Variants in MAGI2 observed in about 807,000 individuals in gnomAD.
The protein encoded by MAGI2 is membrane associated guanylate kinase, WW and PDZ domain containing 2.
A neutral mutation model predicts 133.3 loss-of-function variants in MAGI2; 35 were observed. That is an observed-to-expected ratio of 0.26 (90% CI 0.20 to 0.35). The LOEUF (loss-of-function observed/expected upper bound fraction) is 0.35. Among genes scored for constraint, MAGI2 ranks in the 10% least tolerant of loss-of-function variants. The pLI is 1.00. For missense variants in MAGI2, 1,636 were observed against 1,863.4 expected, an observed-to-expected ratio of 0.88 and a Z score of 2.25; for synonymous variants, 729 against 710.6, an observed-to-expected ratio of 1.03 and a Z score of -0.41.
At chr7:79,230,297 G>T (rs1210822859) in intron 1 of MAGI2, among the ~76,000 whole-genome samples, 1 of 151,818 alleles carries the variant, frequency 6.6e-6, no homozygotes. Flanking sequence ...AGTCCTTTGG[G>T]TATATACCCA....
intron 1 of MAGI2, among the ~76,000 whole-genome samples, chr7:79,163,729 G>A (rs578042839): frequency 3.9e-5 from 6 of 151,958 alleles, no homozygotes; most frequent in Non-Finnish European, 8.8e-5. Flanking sequence ...TTGGCTGCTT[G>A]GGTTGTTTAC....
At chr7:78,211,922 G>T (rs577476205) in intron 10 of MAGI2, among the ~76,000 whole-genome samples, 5 of 152,132 alleles carry the variant, frequency 3.3e-5, no homozygotes, top group African/African-American at 1.2e-4. Flanking sequence ...GAGTTTTCCA[G>T]TTCCTCCTGA....
chr7:78,684,201 A>G (rs778738931), intron 2 of MAGI2, among the ~76,000 whole-genome samples: 5 of 152,156 alleles, frequency 3.3e-5, no homozygotes, highest in Non-Finnish European at 7.3e-5. Context: ...TTATCAATAG[A>G]TTCTCCAAAC....
intron 1 of MAGI2, among the ~76,000 whole-genome samples, chr7:79,047,261 A>C (rs1161777699): frequency 6.6e-6 from 1 of 152,174 alleles, no homozygotes; most frequent in Non-Finnish European, 1.5e-5. Flanking sequence ...AAAGATGTGC[A>C]CTCATTTTAC....
intron 1 of MAGI2, among the ~76,000 whole-genome samples, chr7:79,342,100 T>C (rs7800314): frequency 0.87 from 131,802 of 152,204 alleles, 57,212 homozygotes; most frequent in East Asian, 0.96. Flanking sequence ...GCATACCTAC[T>C]TACCAGGTTC....
intron 2 of MAGI2, among the ~76,000 whole-genome samples, chr7:78,703,926 GTTAGA>G (rs1322843242): frequency 6.9e-5 from 1 of 14,564 alleles, no homozygotes; most frequent in African/African-American, 4.7e-4. Context: ...AAATCAACTC[GTTAGA>G]TTAAAGGCTT....
intron 4 of MAGI2, among the ~76,000 whole-genome samples, chr7:78,509,568 C>T (rs1338766671): frequency 6.6e-6 from 1 of 152,154 alleles, no homozygotes; most frequent in Non-Finnish European, 1.5e-5. Flanking sequence ...TTCTATGGTT[C>T]TGGTACAGTC....
intron 14 of MAGI2, among the ~76,000 whole-genome samples, chr7:78,175,811 T>C (rs1826540088): frequency 6.6e-6 from 1 of 151,976 alleles, no homozygotes; most frequent in Non-Finnish European, 1.5e-5. Context: ...GGAGTACTCA[T>C]GTTGGAAAAA....
chr7:78,316,310 C>T (rs1787403557), intron 9 of MAGI2, among the ~76,000 whole-genome samples: 1 of 152,182 alleles, frequency 6.6e-6, no homozygotes, highest in Admixed American at 6.5e-5. Flanking sequence ...TCATTATTTA[C>T]ACTGCATTTT....
At chr7:78,274,809 C>T (rs1372815593) in intron 9 of MAGI2, among the ~76,000 whole-genome samples, 1 of 152,138 alleles carries the variant, frequency 6.6e-6, no homozygotes, top group East Asian at 1.9e-4. Flanking sequence ...TCAAGCGTCC[C>T]AGGTCAGGGT....
intron 9 of MAGI2, among the ~76,000 whole-genome samples, chr7:78,301,671 C>CT (rs1254759643): frequency 2.0e-5 from 3 of 152,108 alleles, no homozygotes; most frequent in African/African-American, 7.2e-5. Context: ...GGAAACTTTT[C>CT]TTTTTTTGTT....
intron 2 of MAGI2, chr7:78,946,801 T>C (rs1801451141): frequency 6.6e-6 from 1 of 152,170 alleles, no homozygotes; most frequent in African/African-American, 2.4e-5. Context: ...TATTGGGTCT[T>C]CAGTTAAAAA....
chr7:78,544,333 C>A (rs1220808176), intron 3 of MAGI2, among the ~76,000 whole-genome samples: 1 of 152,164 alleles, frequency 6.6e-6, no homozygotes, highest in East Asian at 1.9e-4. Flanking sequence ...AGACAGGAGT[C>A]AAGACATTGA....
chr7:78,122,953 A>G (rs1483404428), intron 20 of MAGI2, among the ~76,000 whole-genome samples: 2 of 152,088 alleles, frequency 1.3e-5, no homozygotes, highest in African/African-American at 2.4e-5. Flanking sequence ...ATCCCTCCCA[A>G]TTTTATTAGG....
chr7:79,074,445 C>G (rs1815279477), intron 1 of MAGI2, among the ~76,000 whole-genome samples: 1 of 152,078 alleles, frequency 6.6e-6, no homozygotes, highest in South Asian at 2.1e-4. Flanking sequence ...ATTATGTTGA[C>G]CTTATGCAAT....
At chr7:78,691,110 C>T (rs1023339840) in intron 2 of MAGI2, among the ~76,000 whole-genome samples, 2 of 152,152 alleles carry the variant, frequency 1.3e-5, no homozygotes, top group Non-Finnish European at 2.9e-5. Flanking sequence ...ACATGCTGTT[C>T]CCTCTGCCTA....
At position 79,019,011 on chromosome 7, in the gene MAGI2, G is replaced by A. The variant is rs546086009; in HGVS notation, c.302-11805C>T. Reference sequence around the variant, plus strand: ...GCAGAAAGCTAACAAAGATATTTCAGGACCTTAACCAAAAGCTTGAAGAAA... The same window carrying A: ...GCAGAAAGCTAACAAAGATATTTCAAGACCTTAACCAAAAGCTTGAAGAAA... On this transcript the variant is annotated intron_variant, in intron 1 of 21. Coordinates refer to ENST00000354212, the MANE Select transcript of MAGI2 (RefSeq NM_012301.4). 2.6e-5 allele frequency among the ~76,000 whole-genome samples: 4 copies of A among 152,190 alleles called. No homozygotes were observed. In the East Asian group the frequency reaches 7.7e-4, roughly 29 times the overall value.
chr7:79,265,520 T>G (rs1173420117), intron 1 of MAGI2, among the ~76,000 whole-genome samples: 1 of 152,190 alleles, frequency 6.6e-6, no homozygotes, highest in Non-Finnish European at 1.5e-5. Flanking sequence ...ATGTCCATAT[T>G]TATATACACA....
At chr7:79,011,096 A>G (rs1808040108) in intron 1 of MAGI2, 1 of 152,146 alleles carries the variant, frequency 6.6e-6, no homozygotes, top group African/African-American at 2.4e-5. Flanking sequence ...CACAAAGAGT[A>G]TGGTACTGGG....
Sources: gnomAD v4.1 joint callset for allele counts (sites outside exome capture counted in the v4.1 genomes callset) on GRCh38, gnomAD v4.1.1 for gene constraint, MANE v1.5 for transcripts, NCBI Gene and HGNC (gene_info 2026-07-23, HGNC 2026-07-21) for gene names.